DDX20: variants seen among roughly 807,000 people sequenced by gnomAD.
The protein encoded by DDX20 is DEAD-box helicase 20, also known as probable ATP-dependent RNA helicase DDX20.
In DDX20, 61 loss-of-function variants were observed where a neutral mutation model predicts 76.4. The ratio of observed to expected loss-of-function variants is 0.80; its 90% CI spans 0.65 to 0.99. DDX20 has a LOEUF of 0.99. DDX20 is among the 50% of genes least tolerant of loss of function. The probability of loss-of-function intolerance (pLI) is 0.00; values close to 1 mark genes in which losing one functional copy is unlikely to be tolerated. For missense variants in DDX20, 976 were observed against 996.8 expected (o/e 0.98, Z 0.28); for synonymous variants, 357 against 357.4 (o/e 1.00, Z 0.01).
At chr1:111,765,664 A>G (rs1663763328) in intron 10 of DDX20, 73 bp from the exon 11 acceptor site, 3 of 1,276,302 alleles carry the variant, frequency 2.4e-6, no homozygotes, top group Non-Finnish European at 3.2e-6. Context: ...AGAAAACTTT[A>G]TGAAATCATT....
At chr1:111,759,183 A>G (rs1663621784) in intron 2 of DDX20, among the ~76,000 whole-genome samples, 1 of 152,236 alleles carries the variant, frequency 6.6e-6, no homozygotes, top group Non-Finnish European at 1.5e-5. Flanking sequence ...ATGCAATTTT[A>G]TATAACAGAC....
In DDX20 at chr1:111,756,673, C is replaced by T. The variant is rs151038790; in HGVS notation, c.329C>T (p.Thr110Ile). ...TTAATTGTTCAAGCTAAATCTGGCA[C>T]CGGGAAAACCTGTGTGTTCTCCACC... ...LDLIVQAKSG[T>I]GKTCVFSTIA... The change falls in exon 2 of 11, where the codon ACC (threonine) becomes ATC (isoleucine). Residue 110 changes from threonine to isoleucine, a missense_variant. Physicochemically the swap from Thr to Ile is moderately conservative, Grantham distance 89 (BLOSUM62 -1). Coordinates refer to ENST00000369702, the MANE Select transcript of DDX20 (RefSeq NM_007204.5). The T allele has an allele frequency of 2.5e-6, 4 of 1,613,982 alleles. No individual in the cohort carries two copies. In the African/African-American group the frequency reaches 4.0e-5, roughly 16 times the overall value.
At position 111,756,685 on chromosome 1, in the gene DDX20, G is replaced by A. The variant is rs746307914; in HGVS notation, c.341G>A (p.Cys114Tyr). The change falls in exon 2 of 11, where the codon TGT becomes TAT. Residue 114 changes from cysteine to tyrosine, a missense_variant. Physicochemically the swap from Cys to Tyr is radical, Grantham distance 194. Coordinates refer to ENST00000369702, the MANE Select transcript of DDX20 (RefSeq NM_007204.5). Reference protein sequence around the residue: ...VQAKSGTGKTCVFSTIALDSL... With the variant: ...VQAKSGTGKTYVFSTIALDSL... ...GCTAAATCTGGCACCGGGAAAACCTGTGTGTTCTCCACCATAGCTTTGGAC... is the reference window on the plus strand; with the variant it reads ...GCTAAATCTGGCACCGGGAAAACCTATGTGTTCTCCACCATAGCTTTGGAC... 4 of 1,614,058 alleles carry A rather than the reference G, an allele frequency of 2.5e-6. No homozygotes were observed. The highest frequency in any genetic ancestry group is 2.7e-5 in the African/African-American group (2 of 74,924).
chr1:111,762,946 G>A lies in DDX20; in HGVS notation c.1251G>A (p.Glu417=), dbSNP rs771330200. 2 of 1,613,974 alleles carry A rather than the reference G, an allele frequency of 1.2e-6. No homozygotes were observed. Among genetic ancestry groups the A allele is most frequent in the Admixed American group, 1.7e-5 (1 of 60,000 alleles). The part of the protein sequence containing the change: ...GLTVTYCCRG[E]EENMMMRIAQ... The stretch of plus-strand genomic sequence containing the variant: ...CAGTGACCTACTGTTGCCGGGGAGA[G>A]GAAGAAAATATGATGATGAGAATTG... The change falls in exon 10 of 11, where the codon GAG becomes GAA. Residue 417 remains glutamate (E), a synonymous_variant. Transcript: ENST00000369702.
Position 111,765,781 on chromosome 1 carries a change from G to A in DDX20, c.1357G>A (p.Val453Met), listed in dbSNP as rs2101426092. ...GATGGAAGAATGTGTGGATTGGGAT[G>A]TGGAAGTTAAAGCTGCTGTGCATAC... is the stretch of plus-strand genomic sequence containing the variant. ...GLMEECVDWD[V>M]EVKAAVHTYG... Residue 453 changes from valine to methionine, a missense_variant, in exon 11 of 11, where the codon GTG becomes ATG. By Grantham distance (21) the Val-to-Met change is conservative (BLOSUM62 1). Coordinates refer to ENST00000369702, the MANE Select transcript of DDX20 (RefSeq NM_007204.5). The A allele has an allele frequency of 2.5e-6, 4 of 1,609,878 alleles. No individual in the cohort carries two copies. The Middle Eastern group carries it at 6.6e-4, about 267-fold the overall frequency.
In DDX20 at chr1:111,756,175, G is replaced by A. The variant is rs201018313; in HGVS notation, c.251G>A (p.Arg84Lys). 4.8e-4 allele frequency: 735 copies of A among 1,535,988 alleles called. 4 individuals are homozygous for A. In the African/African-American group the frequency reaches 9.2e-3, roughly 19 times the overall value. ...LEGLRAAGFERPSPVQLKAIP... is the reference protein window; with the variant it reads ...LEGLRAAGFEKPSPVQLKAIP... ...GGGCTGCGGGCGGCCGGCTTCGAGA[G>A]GCCCTCGCCGGTGCAGCTCAAGGCC... Residue 84 changes from arginine (R) to lysine (K), a missense_variant, in exon 1 of 11, where the codon AGG becomes AAG. Transcript: ENST00000369702.
rs1201490382 is a variant in DDX20, at chr1:111,755,982, G to T, written c.58G>T (p.Ala20Ser). ...ALAAVATAMP[A>S]EHVAVQVPAP... ...AGCAGCAGTGGCGACTGCTATGCCGGCTGAGCATGTGGCCGTGCAGGTCCC... is the reference window on the plus strand; with the variant it reads ...AGCAGCAGTGGCGACTGCTATGCCGTCTGAGCATGTGGCCGTGCAGGTCCC... Residue 20 changes from alanine (A) to serine (S), a missense_variant, in exon 1 of 11, where the codon GCT (alanine) becomes TCT (serine). Physicochemically the swap from Ala to Ser is moderately conservative, Grantham distance 99. This residue lies in a region of DDX20 where 343 missense variants were observed against 286.4 expected (regional missense o/e 1.20). Transcript: ENST00000369702. 6.2e-7 allele frequency: 1 copy of T among 1,601,826 alleles called. No homozygotes were observed. Among genetic ancestry groups the T allele is most frequent in the African/African-American group, 1.3e-5 (1 of 74,754 alleles).
Position 111,767,615 on chromosome 1 carries a change from G to A in DDX20, c.*716G>A, listed in dbSNP as rs1321399663. 1 of 152,156 alleles carries A rather than the reference G, an allele frequency of 6.6e-6. No individual in the cohort carries two copies. Among genetic ancestry groups the A allele is most frequent in the African/African-American group, 2.4e-5 (1 of 41,444 alleles). 9.4% of individuals were successfully genotyped at this position (152,156 alleles called of 1,614,324 possible). A position where few individuals can be genotyped will look rare whatever the true frequency, so the allele number is the denominator to read the frequency against. On this transcript the variant is annotated 3_prime_UTR_variant, in exon 11 of 11. Transcript: ENST00000369702. ...CTTGTGTTGCTCAGATAGAGGAGCA[G>A]CTCTTAATCTTTTTTGGTTCTTGGA...
rs2101428752 is a variant in DDX20 at position 111,767,164 on chromosome 1, G to T, written c.*265G>T. ...GGGACATAGAGCTGAAAGTTTCAGG[G>T]TGCCATTTTCTATAAGATCTTCCCA... On this transcript the variant is annotated 3_prime_UTR_variant, in exon 11 of 11. Coordinates refer to ENST00000369702, the MANE Select transcript of DDX20 (RefSeq NM_007204.5). The T allele has an allele frequency of 3.5e-6, 1 of 287,560 alleles. No homozygotes were observed. Among genetic ancestry groups the T allele is most frequent in the East Asian group, 6.1e-5 (1 of 16,522 alleles). The allele number at this position is 287,560 out of a possible 1,614,324, so 17.8% of individuals were successfully genotyped here. A position where few individuals can be genotyped will look rare whatever the true frequency, so the allele number is the denominator to read the frequency against.
Position 111,762,784 on chromosome 1 carries a change from T to TAAAA in DDX20, c.1210+15_1210+18dup. Reference sequence around the variant, plus strand: ...GGATTGGGAGAGCTGGCCGTTTTGGTAAAAAAAAAAAAAAAAGTTTGAGTG... The same window carrying TAAAA: ...GGATTGGGAGAGCTGGCCGTTTTGGTAAAAAAAAAAAAAAAAAAAAGTTTGAGTG... On this transcript the variant is annotated splice_region_variant and intron_variant, in intron 9 of 10. Coordinates refer to ENST00000369702, the MANE Select transcript of DDX20 (RefSeq NM_007204.5). 3 of 1,524,612 alleles carry TAAAA rather than the reference T, an allele frequency of 2.0e-6. No homozygotes were observed. The highest frequency in any genetic ancestry group is 1.5e-5 in the African/African-American group (1 of 68,114). The allele number at this position is 1,524,612 out of a possible 1,614,324, so 94.4% of individuals were successfully genotyped here. A position where few individuals can be genotyped will look rare whatever the true frequency, so the allele number is the denominator to read the frequency against.
intron 7 of DDX20, 29 bp from the exon 8 acceptor site, chr1:111,762,226 T>C: frequency 1.3e-6 from 2 of 1,591,872 alleles, no homozygotes; most frequent in Non-Finnish European, 1.7e-6. Flanking sequence ...TAGTTGTTTT[T>C]ATGTGACTTT....
Position 111,759,524 on chromosome 1 carries a change from A to T in DDX20, c.521A>T (p.Asp174Val). The change falls in exon 3 of 11, where the codon GAC becomes GTC. Residue 174 changes from aspartate to valine, a missense_variant. Asp to Val is a radical substitution (Grantham distance 152). Around this residue, in one of 3 missense-constraint regions of DDX20, gnomAD observed 343 missense variants for 286.4 expected, o/e 1.20. Transcript: ENST00000369702. Reference sequence around the variant, plus strand: ...ATTGGAGGGACCCCATTATCACAAGACAAAACCAGACTTAAAAAGTGTCAT... The same window carrying T: ...ATTGGAGGGACCCCATTATCACAAGTCAAAACCAGACTTAAAAAGTGTCAT... ...VFIGGTPLSQDKTRLKKCHIA... is the reference protein window; with the variant it reads ...VFIGGTPLSQVKTRLKKCHIA... 2 of 1,613,884 alleles carry T rather than the reference A, an allele frequency of 1.2e-6. No individual in the cohort carries two copies. Among genetic ancestry groups the T allele is most frequent in the Non-Finnish European group, 1.7e-6 (2 of 1,179,946 alleles).
In DDX20 at chr1:111,756,758, A is replaced by G; in HGVS notation, c.396+18A>G. 6.3e-7 allele frequency: 1 copy of G among 1,594,152 alleles called. No homozygotes were observed. ...GTACCCAGGTGAGTTAGCTGAGAGG[A>G]CCAGAGGAGGATGTGTTTTGTGGAC... On this transcript the variant is annotated intron_variant, in intron 2 of 10. Coordinates refer to ENST00000369702, the MANE Select transcript of DDX20 (RefSeq NM_007204.5).
chr1:111,756,097 T>C lies in DDX20; in HGVS notation c.173T>C (p.Leu58Ser), dbSNP rs1663542942. Residue 58 changes from leucine to serine, a missense_variant, in exon 1 of 11, where the codon TTG (leucine) becomes TCG (serine). Physicochemically the swap from Leu to Ser is moderately radical, Grantham distance 145. Transcript: ENST00000369702. ...SPRTRTGDVL[L>S]AEPADFESLL... is the part of the protein sequence containing the mutation. ...CGGACCCGCACGGGGGATGTGCTGT[T>C]GGCGGAGCCGGCCGACTTCGAGTCA... 1 of 1,601,732 alleles carries C rather than the reference T, an allele frequency of 6.2e-7. No individual in the cohort carries two copies. Among genetic ancestry groups the C allele is most frequent in the Non-Finnish European group, 8.5e-7 (1 of 1,178,954 alleles).
At chr1:111,758,653 T>C (rs1663613436) in intron 2 of DDX20, among the ~76,000 whole-genome samples, 1 of 152,208 alleles carries the variant, frequency 6.6e-6, no homozygotes, top group Non-Finnish European at 1.5e-5. Flanking sequence ...AGCTCTACTC[T>C]ATGCCATTCA....
At position 111,756,201 on chromosome 1, in the gene DDX20, A is replaced by G. The variant is rs1330303302; in HGVS notation, c.277A>G (p.Ile93Val). The change falls in exon 1 of 11, where the codon ATC (isoleucine) becomes GTC (valine). Residue 93 changes from isoleucine to valine, a missense_variant. By Grantham distance (29) the Ile-to-Val change is conservative. Around this residue, in one of 3 missense-constraint regions of DDX20, gnomAD observed 343 missense variants for 286.4 expected, o/e 1.20. Transcript: ENST00000369702. ...ERPSPVQLKA[I>V]PLGRCGLDLI... ...GCCCTCGCCGGTGCAGCTCAAGGCC[A>G]TCCCGTTGGGGCGCTGCGGGCTCGG... The G allele has an allele frequency of 6.8e-7, 1 of 1,479,704 alleles. No homozygotes were observed. The highest frequency in any genetic ancestry group is 9.0e-7 in the Non-Finnish European group (1 of 1,117,254). The allele number at this position is 1,479,704 out of a possible 1,614,324, so 91.7% of individuals were successfully genotyped here. A position where few individuals can be genotyped will look rare whatever the true frequency, so the allele number is the denominator to read the frequency against.
chr1:111,759,928 C>G (rs1048466323), intron 3 of DDX20, among the ~76,000 whole-genome samples: 1 of 142,340 alleles, frequency 7.0e-6, no homozygotes, highest in African/African-American at 2.7e-5. Context: ...GAGCCGAGAT[C>G]GCGCCACTGC....
chr1:111,762,947 GAAGAAAA>G lies in DDX20; in HGVS notation c.1253_1259del (p.Glu418ValfsTer2), dbSNP rs1210464317. ...AGTGACCTACTGTTGCCGGGGAGAG[GAAGAAAA>G]TATGATGATGAGAATTGCCCAGAAA... On this transcript the variant is annotated frameshift_variant, in exon 10 of 11. Transcript: ENST00000369702. LOFTEE classifies it high-confidence loss of function. 5.6e-6 allele frequency: 9 copies of G among 1,613,904 alleles called. No homozygotes were observed. The highest frequency in any genetic ancestry group is 7.6e-6 in the Non-Finnish European group (9 of 1,179,990).
Position 111,760,596 on chromosome 1 carries a change from A to G in DDX20, c.680+8A>G. On this transcript the variant is annotated splice_region_variant and intron_variant, in intron 4 of 10. Coordinates refer to ENST00000369702, the MANE Select transcript of DDX20 (RefSeq NM_007204.5). ...CTTCCAGGAGCAAATAAAGTAAGAA[A>G]AATAACTAACTTGACTATTAAAACA... 3.7e-6 allele frequency: 6 copies of G among 1,605,336 alleles called. No homozygotes were observed. The highest frequency in any genetic ancestry group is 5.1e-6 in the Non-Finnish European group (6 of 1,176,798).
Sources: gnomAD v4.1 joint callset for allele counts (sites outside exome capture counted in the v4.1 genomes callset) on GRCh38, gnomAD v4.1.1 for gene constraint, gnomAD v4.1.1 regional missense constraint, MANE v1.5 for transcripts, NCBI Gene and HGNC (gene_info 2026-07-23, HGNC 2026-07-21) for gene names.